Variants in ZFHX3 observed in about 807,000 individuals in gnomAD.
ZFHX3 encodes the protein zinc finger homeobox 3, also known as zinc finger homeobox protein 3.
In ZFHX3, 42 loss-of-function variants were observed where a neutral mutation model predicts 279.1. The ratio of observed to expected loss-of-function variants is 0.15; its 90% confidence interval spans 0.12 to 0.19. The LOEUF (loss-of-function observed/expected upper bound fraction) is 0.19. Among genes scored for constraint, ZFHX3 ranks in the 10% least tolerant of loss-of-function variants. The pLI is 1.00. For missense variants in ZFHX3, 4,981 were observed against 4,754.0 expected (o/e 1.05, Z -1.40); for synonymous variants, 2,293 against 1,957.8 (o/e 1.17, Z -4.52).
chr16:72,896,577 C>CACA (rs1203001051), intron 3 of ZFHX3, among the ~76,000 whole-genome samples: 1 of 152,200 alleles, frequency 6.6e-6, no homozygotes, highest in Non-Finnish European at 1.5e-5. Context: ...GCTTGTTCAG[C>CACA]CTCGTCAAAC....
At chr16:73,061,685 T>C (rs1176564483), upstream of ZFHX3, 1 of 152,184 alleles carries the variant, frequency 6.6e-6, no homozygotes, top group African/African-American at 2.4e-5. Context: ...ACTTCCTTTT[T>C]ATCTGTCTTC....
chr16:73,043,691 A>G (rs1965197284), intron 1 of ZFHX3, among the ~76,000 whole-genome samples: 1 of 152,218 alleles, frequency 6.6e-6, no homozygotes, highest in African/African-American at 2.4e-5. Context: ...CTACTTCTGA[A>G]GCTTCAGCTC....
intron 1 of ZFHX3, among the ~76,000 whole-genome samples, chr16:73,891,237 T>TC (rs968864794): frequency 1.3e-5 from 2 of 151,288 alleles, no homozygotes; most frequent in Admixed American, 1.3e-4. Context: ...TCCCCACCTC[T>TC]CCCCCCAGCT....
At chr16:73,381,266 A>T (rs927947833) in intron 3 of ZFHX3, among the ~76,000 whole-genome samples, 3 of 152,228 alleles carry the variant, frequency 2.0e-5, no homozygotes, top group African/African-American at 7.2e-5. Context: ...TGATATTCTA[A>T]TCAGAATTCC....
In ZFHX3 at chr16:73,215,503, T is replaced by A. The variant is rs192551524; in HGVS notation, c.-1104+41544A>T. 1.4e-4 allele frequency among the ~76,000 whole-genome samples: 21 copies of A among 152,292 alleles called. No homozygotes were observed. In the East Asian group the frequency reaches 4.1e-3, roughly 29 times the overall value. Reference sequence around the variant, plus strand: ...TGTTTCAACCAGCCATTTAATAATGTTCTATCTGGAGTTTTCTCCCTGTTC... The same window carrying A: ...TGTTTCAACCAGCCATTTAATAATGATCTATCTGGAGTTTTCTCCCTGTTC... On this transcript the variant is annotated intron_variant, in intron 5 of 17. Transcript: ENST00000641206.
At chr16:73,062,707 G>C (rs1965699973), upstream of ZFHX3, among the ~76,000 whole-genome samples, 1 of 138,650 alleles carries the variant, frequency 7.2e-6, no homozygotes, top group African/African-American at 2.7e-5. Flanking sequence ...AGGGAGATTG[G>C]GGACACAGAA....
chr16:73,113,680 G>A (rs74680393), intron 7 of ZFHX3, among the ~76,000 whole-genome samples: 3,676 of 152,144 alleles, frequency 0.024, 162 homozygotes, highest in African/African-American at 0.082. Context: ...AATTAAACAC[G>A]GATGGCGGGT....
intron 1 of ZFHX3, among the ~76,000 whole-genome samples, chr16:73,681,522 A>C (rs2053009753): frequency 6.6e-6 from 1 of 152,230 alleles, no homozygotes; most frequent in Non-Finnish European, 1.5e-5. Flanking sequence ...ATTTCATTCG[A>C]ATAGTCATGA....
At chr16:73,766,679 A>G (rs1166938762) in intron 1 of ZFHX3, among the ~76,000 whole-genome samples, 1 of 152,132 alleles carries the variant, frequency 6.6e-6, no homozygotes, top group Non-Finnish European at 1.5e-5. Flanking sequence ...GGTGAGTGGA[A>G]ACATAACAGT....
intron 3 of ZFHX3, among the ~76,000 whole-genome samples, chr16:73,453,791 T>G (rs1368191792): frequency 6.6e-6 from 1 of 152,238 alleles, no homozygotes; most frequent in Non-Finnish European, 1.5e-5. Context: ...ATGTCTTACA[T>G]GGCGGCAGAT....
intron 7 of ZFHX3, among the ~76,000 whole-genome samples, chr16:72,809,126 A>G (rs897311543): frequency 6.6e-6 from 1 of 152,240 alleles, no homozygotes; most frequent in Non-Finnish European, 1.5e-5. Context: ...TTATGAAAAT[A>G]TGACAAACAA....
At chr16:73,393,538 G>A (rs976913935) in intron 3 of ZFHX3, among the ~76,000 whole-genome samples, 1 of 152,170 alleles carries the variant, frequency 6.6e-6, no homozygotes, top group African/African-American at 2.4e-5. Context: ...AGGTATTTGC[G>A]CTGTTCACAA....
intron 2 of ZFHX3, among the ~76,000 whole-genome samples, chr16:73,468,484 C>G (rs566878915): frequency 4.4e-4 from 67 of 152,234 alleles, no homozygotes; most frequent in Middle Eastern, 3.4e-3. Context: ...ACCTGTAGTC[C>G]CAGCACTTTG....
chr16:73,190,611 C>T (rs73595302), intron 5 of ZFHX3, among the ~76,000 whole-genome samples: 2,439 of 152,240 alleles, frequency 0.016, 78 homozygotes, highest in African/African-American at 0.054. Context: ...TGAAGGTGTG[C>T]GTAAGAAGGG....
intron 3 of ZFHX3, among the ~76,000 whole-genome samples, chr16:72,890,885 A>G (rs1319604293): frequency 1.3e-5 from 2 of 152,252 alleles, no homozygotes; most frequent in African/African-American, 4.8e-5. Flanking sequence ...GAGATGGTAT[A>G]GTCCACAAAG....
At position 73,565,717 on chromosome 16, in the gene ZFHX3, T is replaced by C. The variant is rs552915068; in HGVS notation, c.-1546-109459A>G. Among the ~76,000 whole-genome samples, 58 of 152,320 alleles carry C rather than the reference T, an allele frequency of 3.8e-4. No homozygotes were observed. In the South Asian group the frequency reaches 4.3e-3, roughly 11 times the overall value. On this transcript the variant is annotated intron_variant, in intron 2 of 17. Transcript: ENST00000641206. ...TAAGTCTAGGTTTAGTGCCTTTTTT[T>C]ACTCTCCTACACAGGTTAGTCCCTT...
chr16:73,211,662 G>T (rs1389181138), intron 5 of ZFHX3, among the ~76,000 whole-genome samples: 1 of 151,814 alleles, frequency 6.6e-6, no homozygotes, highest in African/African-American at 2.4e-5. Flanking sequence ...AAATCCCAAA[G>T]AATCTATGTT....
At position 73,835,092 on chromosome 16, in the gene ZFHX3, C is replaced by G. The variant is rs142647396; in HGVS notation, c.-1608+56559G>C. On this transcript the variant is annotated intron_variant, in intron 1 of 17. Transcript: ENST00000641206. ...AGGTGCCACTCTATGTTATGACTCC[C>G]CCAGCTACCAAAAACAAAGCAAACA... 4.8e-3 allele frequency among the ~76,000 whole-genome samples: 730 copies of G among 152,228 alleles called. 3 individuals are homozygous for G. Among genetic ancestry groups the G allele is most frequent in the Non-Finnish European group, 6.9e-3 (467 of 68,018 alleles).
chr16:73,756,027 G>C (rs976608283), intron 1 of ZFHX3, among the ~76,000 whole-genome samples: 1 of 152,120 alleles, frequency 6.6e-6, no homozygotes, highest in Non-Finnish European at 1.5e-5. Flanking sequence ...ACTAAAATTA[G>C]ATTGGCTTCT....
Sources: allele counts gnomAD v4.1 joint callset (sites outside exome capture counted in the v4.1 genomes callset), GRCh38; gene constraint gnomAD v4.1.1; transcripts MANE v1.5; gene names NCBI Gene and HGNC (gene_info 2026-07-23, HGNC 2026-07-21).